PHKA1: variants seen among roughly 807,000 people sequenced by gnomAD.
PHKA1 encodes the protein phosphorylase kinase regulatory subunit alpha 1, also known as phosphorylase b kinase regulatory subunit alpha, skeletal muscle isoform.
In PHKA1, 60 loss-of-function variants were observed where a neutral mutation model predicts 110.2. The observed-to-expected ratio is 0.54, with a 90% CI of 0.44 to 0.68. PHKA1 has a LOEUF of 0.68. PHKA1 is among the 30% of genes least tolerant of loss of function. PHKA1 has a pLI of 0.00. For synonymous variants in PHKA1, 316 were observed against 333.6 expected, an observed-to-expected ratio of 0.95 and a Z score of 0.58; for missense variants, 801 against 942.5, an observed-to-expected ratio of 0.85 and a Z score of 1.97.
intron 7 of PHKA1, 62 bp downstream of exon 7, chrX:72,667,313 T>C (rs1556306812): frequency 1.2e-6 from 1 of 817,140 alleles, no homozygotes; most frequent in Non-Finnish European, 1.8e-6. Context: ...CTAAAGCTCA[T>C]GCTTAAATCT....
chrX:72,599,103 T>A (rs181668254), intron 28 of PHKA1, among the ~76,000 whole-genome samples: 16 of 111,920 alleles, frequency 1.4e-4, no homozygotes, highest in Admixed American at 3.8e-4. Context: ...TTTTAAATTT[T>A]CTTCTATACC....
intron 16 of PHKA1, among the ~76,000 whole-genome samples, chrX:72,634,654 A>G (rs2053208844): frequency 9.0e-6 from 1 of 111,251 alleles, no homozygotes; most frequent in African/African-American, 3.3e-5. Context: ...AGGCTTTGGA[A>G]GAAGCAGCCT....
At chrX:72,599,463 G>A (rs2052630249) in intron 28 of PHKA1, among the ~76,000 whole-genome samples, 1 of 111,425 alleles carries the variant, frequency 9.0e-6, no homozygotes, top group Admixed American at 9.5e-5. Context: ...CTAACCCAGT[G>A]GCTTTCAAAC....
At chrX:72,594,488 A>G (rs886689534) in intron 28 of PHKA1, among the ~76,000 whole-genome samples, 1 of 112,462 alleles carries the variant, frequency 8.9e-6, no homozygotes, top group Non-Finnish European at 1.9e-5. Flanking sequence ...AGGGCATACC[A>G]TCCGCAGCCA....
intron 1 of PHKA1, 121 bp downstream of exon 1, chrX:72,713,670 TCACACACACACA>T (rs58583639): frequency 1.5e-5 from 7 of 479,135 alleles, no homozygotes; most frequent in African/African-American, 1.0e-4. Context: ...AAGGTCTCCG[TCACACACACACA>T]CACACACACA....
At chrX:72,612,757 C>T (rs2052831240) in intron 21 of PHKA1, among the ~76,000 whole-genome samples, 1 of 112,085 alleles carries the variant, frequency 8.9e-6, no homozygotes, top group Admixed American at 9.5e-5. Flanking sequence ...ATGTGACTCT[C>T]GCACTCCTCC....
At chrX:72,713,021 G>C in intron 1 of PHKA1, 84 bp from the exon 2 acceptor site, 1 of 1,018,569 alleles carries the variant, frequency 9.8e-7, no homozygotes, top group African/African-American at 1.8e-5. Flanking sequence ...GGTTTTTTAG[G>C]GACTTTGGTC....
intron 28 of PHKA1, among the ~76,000 whole-genome samples, chrX:72,598,938 T>C (rs1274475343): frequency 1.8e-5 from 2 of 111,530 alleles, no homozygotes; most frequent in African/African-American, 3.3e-5. Context: ...CACTGATCTA[T>C]TGAGTAGATG....
At chrX:72,712,408 A>T in intron 2 of PHKA1, 1 of 206,877 alleles carries the variant, frequency 4.8e-6, no homozygotes, top group Non-Finnish European at 8.7e-6. Context: ...TTAAAAATGA[A>T]ATAAAATAGT....
intron 29 of PHKA1, among the ~76,000 whole-genome samples, chrX:72,592,218 T>A (rs1556226466): frequency 8.9e-6 from 1 of 112,573 alleles, no homozygotes; most frequent in African/African-American, 3.2e-5. Context: ...AAAAAGCAAG[T>A]TATCAGTACT....
At chrX:72,612,405 A>G (rs1485505565) in intron 21 of PHKA1, among the ~76,000 whole-genome samples, 4 of 112,005 alleles carry the variant, frequency 3.6e-5, no homozygotes, top group Non-Finnish European at 7.5e-5. Context: ...AGTAGTGGTG[A>G]AGAATGCACA....
intron 22 of PHKA1, 54 bp from the exon 23 acceptor site, chrX:72,609,757 A>G (rs2052780472): frequency 2.3e-6 from 2 of 880,919 alleles, no homozygotes; most frequent in Admixed American, 4.4e-5. Context: ...GGTTTCCACA[A>G]ACATTTCTCT....
chrX:72,660,668 T>C (rs1276747468), intron 8 of PHKA1: 1 of 333,620 alleles, frequency 3.0e-6, no homozygotes, highest in Admixed American at 3.3e-5. Flanking sequence ...TTATGAGAAA[T>C]TAAATAAATT....
intron 6 of PHKA1, among the ~76,000 whole-genome samples, chrX:72,675,842 A>T (rs782659600): frequency 9.0e-6 from 1 of 111,003 alleles, no homozygotes; most frequent in Non-Finnish European, 1.9e-5. Flanking sequence ...CTTATGGCAT[A>T]TAATATAAGT....
At chrX:72,652,516 G>T in intron 12 of PHKA1, 28 bp downstream of exon 12, 1 of 844,862 alleles carries the variant, frequency 1.2e-6, no homozygotes, top group Non-Finnish European at 1.8e-6. Context: ...GCAGAAAAAA[G>T]TGGGACAGCC....
intron 5 of PHKA1, among the ~76,000 whole-genome samples, chrX:72,681,753 C>T (rs1556315646): frequency 4.8e-5 from 3 of 63,010 alleles, no homozygotes; most frequent in East Asian, 1.0e-3. Context: ...CCAGCCGCCC[C>T]ATCTGGGAGG....
At chrX:72,595,866 C>T (rs1243968722) in intron 28 of PHKA1, among the ~76,000 whole-genome samples, 3 of 111,373 alleles carry the variant, frequency 2.7e-5, no homozygotes, top group Admixed American at 9.5e-5. Context: ...ATGCTGCAGC[C>T]GCTATGGAAC....
intron 30 of PHKA1, among the ~76,000 whole-genome samples, chrX:72,583,962 T>C (rs1603249512): frequency 8.9e-6 from 1 of 112,433 alleles, no homozygotes; most frequent in African/African-American, 3.2e-5. Context: ...TGAGAAGTCA[T>C]GCATTCATAG....
chrX:72,620,540 T>C (rs2052961658), intron 19 of PHKA1, among the ~76,000 whole-genome samples, 185 bp downstream of exon 19: 1 of 112,186 alleles, frequency 8.9e-6, no homozygotes, highest in South Asian at 3.7e-4. Context: ...GCAGCATAAC[T>C]ATACACAATT....
Sources: gnomAD v4.1 joint callset for allele counts (sites outside exome capture counted in the v4.1 genomes callset) on GRCh38, gnomAD v4.1.1 for gene constraint, MANE v1.5 for transcripts, NCBI Gene and HGNC (gene_info 2026-07-23, HGNC 2026-07-21) for gene names.